GBP6: variants seen among roughly 807,000 people sequenced by gnomAD.
GBP6 encodes guanylate binding protein family member 6, also known as guanylate-binding protein 6.
A neutral mutation model predicts 61.5 loss-of-function variants in GBP6; 54 were observed. The ratio of observed to expected loss-of-function variants is 0.88; its 90% CI spans 0.71 to 1.10. GBP6 has a LOEUF of 1.10. Ranked by LOEUF, GBP6 falls within the 50% of genes least tolerant of loss-of-function variation. The pLI is 0.00. For synonymous variants in GBP6, 255 were observed against 273.7 expected (o/e 0.93, Z 0.67); for missense variants, 748 against 752.8 (o/e 0.99, Z 0.07).
chr1:89,366,685 CT>C (rs1206256761), intron 1 of GBP6, among the ~76,000 whole-genome samples: 4 of 152,168 alleles, frequency 2.6e-5, no homozygotes, highest in African/African-American at 9.7e-5. Flanking sequence ...CTTTTACTCT[CT>C]TTTTTGTTGG....
At chr1:89,377,488 T>C (rs931193468) in intron 3 of GBP6, among the ~76,000 whole-genome samples, 12 of 152,232 alleles carry the variant, frequency 7.9e-5, no homozygotes, top group Admixed American at 6.5e-5. Context: ...CTGGATAGAC[T>C]TGTAATTTTT....
chr1:89,373,522 G>A (rs1652705985), intron 3 of GBP6, among the ~76,000 whole-genome samples: 1 of 152,146 alleles, frequency 6.6e-6, no homozygotes, highest in Admixed American at 6.5e-5. Flanking sequence ...GTAGGCACAT[G>A]GATGAAGCTG....
At position 89,380,535 on chromosome 1, in the gene GBP6, C is replaced by A; in HGVS notation, c.775C>A (p.Pro259Thr). 6.2e-7 allele frequency: 1 copy of A among 1,614,094 alleles called. No homozygotes were observed. The highest frequency in any genetic ancestry group is 8.5e-7 in the Non-Finnish European group (1 of 1,179,978). The change falls in exon 6 of 11, where the codon CCC (proline) becomes ACC (threonine). Residue 259 changes from proline to threonine, a missense_variant. Pro to Thr is a conservative substitution (Grantham distance 38). Coordinates refer to ENST00000370456, the MANE Select transcript of GBP6 (RefSeq NM_198460.3). ...GAAGGTGTCAGAAAAGCAACTGGAT[C>A]CCAAATTCCAGGAACAAACAAACAT... The part of the protein sequence containing the change: ...IEKVSEKQLD[P>T]KFQEQTNIFC...
intron 3 of GBP6, among the ~76,000 whole-genome samples, chr1:89,374,406 T>G (rs926968730): frequency 2.0e-5 from 3 of 152,184 alleles, no homozygotes; most frequent in African/African-American, 7.2e-5. Flanking sequence ...AGTACAGATA[T>G]CTCGTTAAAA....
Position 89,380,650 on chromosome 1 carries a change from T to C in GBP6, c.871+19T>C, listed in dbSNP as rs1480152898. 1 of 1,609,910 alleles carries C rather than the reference T, an allele frequency of 6.2e-7. No individual in the cohort carries two copies. Among genetic ancestry groups the C allele is most frequent in the East Asian group, 2.2e-5 (1 of 44,846 alleles). ...GGGAATCGTGAGTCTCCTTTTTACTTTTCTGTGGGGCCTCATGTGTGTTGA... is the reference window on the plus strand; with the variant it reads ...GGGAATCGTGAGTCTCCTTTTTACTCTTCTGTGGGGCCTCATGTGTGTTGA... On this transcript the variant is annotated intron_variant, in intron 6 of 10. Coordinates refer to ENST00000370456, the MANE Select transcript of GBP6 (RefSeq NM_198460.3).
At chr1:89,372,463 G>A (rs1652672614) in intron 3 of GBP6, among the ~76,000 whole-genome samples, 1 of 152,272 alleles carries the variant, frequency 6.6e-6, no homozygotes, top group African/African-American at 2.4e-5. Context: ...TACAAAAACA[G>A]AGATATAGAT....
At chr1:89,365,682 G>A (rs893549304) in intron 1 of GBP6, among the ~76,000 whole-genome samples, 3 of 152,168 alleles carry the variant, frequency 2.0e-5, no homozygotes, top group African/African-American at 7.2e-5. Flanking sequence ...AAATCCTATT[G>A]TGTGGTGCAT....
At position 89,368,624 on chromosome 1, in the gene GBP6, C is replaced by T. The variant is rs1217674453; in HGVS notation, c.73C>T (p.Gln25Ter). The T allele has an allele frequency of 6.2e-7, 1 of 1,614,164 alleles. No homozygotes were observed. Among genetic ancestry groups the T allele is most frequent in the South Asian group, 1.1e-5 (1 of 91,088 alleles). ...TAACAATGAGCAGCTATTGGTGAAC[C>T]AGCAAGCTATACAGATTCTTGAAAA... ...ENNNEQLLVN[Q>*]QAIQILEKIS... Residue 25 changes from glutamine to a stop codon, truncating the protein, a stop_gained, in exon 2 of 11, where the codon CAG becomes TAG. Transcript: ENST00000370456. LOFTEE classifies it high-confidence loss of function.
intron 3 of GBP6, 29 bp downstream of exon 3, chr1:89,369,702 T>G: frequency 5.0e-6 from 8 of 1,600,232 alleles, no homozygotes; most frequent in African/African-American, 1.3e-5. Context: ...GACAGGTTCC[T>G]TTTATTCCAG....
intron 6 of GBP6, 111 bp from the exon 7 acceptor site, chr1:89,381,583 C>A: frequency 9.9e-7 from 1 of 1,008,550 alleles, no homozygotes. Context: ...TATGTGTTTG[C>A]ATGTGTGCAC....
Position 89,384,075 on chromosome 1 carries a change from A to G in GBP6, c.1469-18A>G. On this transcript the variant is annotated intron_variant, in intron 9 of 10. Coordinates refer to ENST00000370456, the MANE Select transcript of GBP6 (RefSeq NM_198460.3). The stretch of plus-strand genomic sequence containing the variant: ...TCACCTATTATTTTCTTCTCTTTCT[A>G]ATACCTTCATGGAGCAGTGGATCGG... 6.3e-7 allele frequency: 1 copy of G among 1,585,928 alleles called. No homozygotes were observed. The highest frequency in any genetic ancestry group is 8.5e-7 in the Non-Finnish European group (1 of 1,169,702).
At chr1:89,382,515 T>A (rs1653007953) in intron 7 of GBP6, 149 bp from the exon 8 acceptor site, 7 of 656,446 alleles carry the variant, frequency 1.1e-5, no homozygotes, top group Non-Finnish European at 1.9e-5. Flanking sequence ...TGTAAATGTA[T>A]GAAGTTTTGT....
Position 89,381,831 on chromosome 1 carries a change from C to T in GBP6, c.1009C>T (p.Gln337Ter), listed in dbSNP as rs1256709018. Reference sequence around the variant, plus strand: ...GAGGGCAGCTGACTACTACAGCCAGCAGATGGCCCAGCGAGTGAAGCTCCC... The same window carrying T: ...GAGGGCAGCTGACTACTACAGCCAGTAGATGGCCCAGCGAGTGAAGCTCCC... ...VQRAADYYSQQMAQRVKLPTD... is the reference protein window; with the variant it reads ...VQRAADYYSQ Residue 337 changes from glutamine to a stop codon, truncating the protein, a stop_gained, in exon 7 of 11, where the codon CAG (glutamine) becomes TAG (stop). Coordinates refer to ENST00000370456, the MANE Select transcript of GBP6 (RefSeq NM_198460.3). LOFTEE classifies it high-confidence loss of function. 1.2e-6 allele frequency: 2 copies of T among 1,614,104 alleles called. No homozygotes were observed. Among genetic ancestry groups the T allele is most frequent in the South Asian group, 1.1e-5 (1 of 91,072 alleles).
intron 2 of GBP6, 143 bp from the exon 3 acceptor site, chr1:89,369,403 A>C (rs1218821093): frequency 1.0e-6 from 1 of 988,466 alleles, no homozygotes; most frequent in African/African-American, 1.6e-5. Flanking sequence ...GATTATTCAC[A>C]AAGTAAGCCA....
rs1652739489 is a variant in GBP6, at chr1:89,374,315, CT to C, written c.319-3787del. Among the ~76,000 whole-genome samples, 11 of 152,018 alleles carry C rather than the reference CT, an allele frequency of 7.2e-5. 1 individual carries two copies. The highest frequency in any genetic ancestry group is 6.6e-4 in the Admixed American group (10 of 15,254). ...CATTCGGGTAGTTTCCATATCTTGG[CT>C]ATTGTGAATAATGCTGCAATTATTA... On this transcript the variant is annotated intron_variant, in intron 3 of 10. Transcript: ENST00000370456.
At chr1:89,380,973 A>G (rs1652960838) in intron 6 of GBP6, among the ~76,000 whole-genome samples, 1 of 152,172 alleles carries the variant, frequency 6.6e-6, no homozygotes, top group Non-Finnish European at 1.5e-5. Flanking sequence ...AGAATAGAAA[A>G]GATATGTTCA....
intron 1 of GBP6, among the ~76,000 whole-genome samples, chr1:89,367,337 G>T (rs1368476886): frequency 1.3e-5 from 2 of 151,892 alleles, no homozygotes; most frequent in Non-Finnish European, 1.5e-5. Context: ...TGAAGTTTTG[G>T]GCTTTTTAAA....
rs190489639 is a variant in GBP6, at chr1:89,367,425, A to G, written c.-23-1104A>G. 8.0e-4 allele frequency among the ~76,000 whole-genome samples: 122 copies of G among 152,316 alleles called. 2 individuals are homozygous for G. The highest frequency in any genetic ancestry group is 2.8e-3 in the African/African-American group (118 of 41,576). ...ATTTTCATTTACCTAGTGATTAATG[A>G]TGTTGAGCATGTTTTCATGTGCTTA... On this transcript the variant is annotated intron_variant, in intron 1 of 10. Transcript: ENST00000370456.
chr1:89,381,266 C>CA (rs769164915), intron 6 of GBP6, among the ~76,000 whole-genome samples: 5,862 of 50,676 alleles, frequency 0.12, 602 homozygotes, highest in African/African-American at 0.27. Context: ...GCCTGGGCCT[C>CA]AAAAAAAAAA....
Sources: allele counts gnomAD v4.1 joint callset (sites outside exome capture counted in the v4.1 genomes callset), GRCh38; gene constraint gnomAD v4.1.1; transcripts MANE v1.5; gene names NCBI Gene and HGNC (gene_info 2026-07-23, HGNC 2026-07-21).